The following PEBP4 variants were observed in gnomAD, a reference collection of about 807,000 sequenced individuals.
The protein encoded by PEBP4 is phosphatidylethanolamine binding protein 4.
PEBP4 carries 22 observed loss-of-function variants against 23.9 expected under a neutral mutation model. The ratio of observed to expected loss-of-function variants is 0.92; its 90% CI spans 0.66 to 1.31. The LOEUF is 1.31. Among genes scored for constraint, PEBP4 ranks in the 40% most tolerant of loss-of-function variants. The pLI is 0.00. For synonymous variants in PEBP4, 112 were observed against 99.3 expected (o/e 1.13, Z -0.76); for missense variants, 324 against 281.7 (o/e 1.15, Z -1.07).
At chr8:22,925,350 G>T (rs971821926) in intron 2 of PEBP4, 1 of 984,100 alleles carries the variant, frequency 1.0e-6, no homozygotes, top group African/African-American at 1.7e-5. Flanking sequence ...GGTGAAGGTT[G>T]TCAGAAGCAG....
chr8:22,910,357 G>A (rs373066504), intron 3 of PEBP4, among the ~76,000 whole-genome samples: 5 of 152,256 alleles, frequency 3.3e-5, no homozygotes, highest in South Asian at 2.1e-4. Context: ...ATCACGGCAC[G>A]CATCTCCCTG....
intron 3 of PEBP4, among the ~76,000 whole-genome samples, chr8:22,863,366 A>G (rs1807821212): frequency 6.6e-6 from 1 of 152,200 alleles, no homozygotes. Context: ...TGTTCAAAAA[A>G]TGACACTATA....
At chr8:22,830,738 G>A (rs1219633295) in intron 3 of PEBP4, among the ~76,000 whole-genome samples, 1 of 151,854 alleles carries the variant, frequency 6.6e-6, no homozygotes, top group Non-Finnish European at 1.5e-5. Flanking sequence ...GCCAATTCTT[G>A]TCAATTCAGC....
At chr8:22,764,051 A>C (rs1251918805) in intron 4 of PEBP4, among the ~76,000 whole-genome samples, 1 of 152,172 alleles carries the variant, frequency 6.6e-6, no homozygotes, top group Non-Finnish European at 1.5e-5. Context: ...ACTTAACATG[A>C]TGTCAAGCCT....
At chr8:22,802,200 G>A (rs1053503223) in intron 4 of PEBP4, among the ~76,000 whole-genome samples, 2 of 152,142 alleles carry the variant, frequency 1.3e-5, no homozygotes, top group African/African-American at 4.8e-5. Flanking sequence ...CCGACTCTGG[G>A]CCACTGGCTA....
In PEBP4 at chr8:22,871,727, G is replaced by A. The variant is rs538838267; in HGVS notation, c.258+48457C>T. 1.6e-4 allele frequency among the ~76,000 whole-genome samples: 24 copies of A among 151,696 alleles called. 1 individual carries two copies. In the South Asian group the frequency reaches 4.0e-3, roughly 25 times the overall value. On this transcript the variant is annotated intron_variant, in intron 3 of 6. Transcript: ENST00000256404. ...GTGCCACCATGCCCAGCTAATTTTC[G>A]TATTTTTAGTAGAGATGGTTTTCAC... is the stretch of plus-strand genomic sequence containing the variant.
chr8:22,854,849 C>G (rs1807607320), intron 3 of PEBP4, among the ~76,000 whole-genome samples: 1 of 151,928 alleles, frequency 6.6e-6, no homozygotes, highest in African/African-American at 2.4e-5. Flanking sequence ...TTTATTTGCT[C>G]CCTCCCCCTC....
intron 6 of PEBP4, among the ~76,000 whole-genome samples, chr8:22,718,778 G>T (rs537496855): frequency 8.1e-4 from 124 of 152,270 alleles, no homozygotes; most frequent in African/African-American, 2.8e-3. Context: ...TGTGTGCGCT[G>T]GTGGGGGGCA....
intron 6 of PEBP4, among the ~76,000 whole-genome samples, chr8:22,720,503 G>C (rs1804497090): frequency 6.6e-6 from 1 of 152,222 alleles, no homozygotes; most frequent in Non-Finnish European, 1.5e-5. Context: ...ATGGTACAAG[G>C]TGCAAATGAA....
At chr8:22,938,966 GA>G (rs1283610182) in intron 1 of PEBP4, among the ~76,000 whole-genome samples, 1 of 152,220 alleles carries the variant, frequency 6.6e-6, no homozygotes, top group Non-Finnish European at 1.5e-5. Flanking sequence ...TAGAGACAGA[GA>G]AAGAATTCCA....
chr8:22,906,859 G>A (rs192784360), intron 3 of PEBP4, among the ~76,000 whole-genome samples: 48 of 152,330 alleles, frequency 3.2e-4, no homozygotes, highest in Non-Finnish European at 5.4e-4. Context: ...TGTGGTAGGG[G>A]TGAGAATAGA....
chr8:22,727,284 C>T, intron 4 of PEBP4, 64 bp from the exon 5 acceptor site: 1 of 1,522,658 alleles, frequency 6.6e-7, no homozygotes, highest in Non-Finnish European at 9.0e-7. Flanking sequence ...CACGTGGGCT[C>T]TGCGGGATTG....
At chr8:22,781,534 T>C (rs1264773327) in intron 4 of PEBP4, among the ~76,000 whole-genome samples, 1 of 152,092 alleles carries the variant, frequency 6.6e-6, no homozygotes, top group Admixed American at 6.5e-5. Context: ...AAGTCCCTTT[T>C]CTCCCGTTCC....
At chr8:22,727,336 G>A (rs1804639360) in intron 4 of PEBP4, 116 bp from the exon 5 acceptor site, 1 of 1,005,658 alleles carries the variant, frequency 9.9e-7, no homozygotes, top group Non-Finnish European at 1.5e-6. Context: ...GAAGGAGGAT[G>A]GGAGAAGAAG....
intron 4 of PEBP4, among the ~76,000 whole-genome samples, chr8:22,774,036 C>T (rs1805767568): frequency 6.6e-6 from 1 of 152,182 alleles, no homozygotes; most frequent in Non-Finnish European, 1.5e-5. Context: ...GTCTCTTCAA[C>T]TATAAAACGG....
intron 6 of PEBP4, among the ~76,000 whole-genome samples, chr8:22,718,114 G>C (rs190610843): frequency 1.3e-5 from 2 of 152,132 alleles, no homozygotes; most frequent in South Asian, 2.1e-4. Context: ...TTCGGGTAGT[G>C]GGGGGCACTT....
At chr8:22,924,117 C>T (rs1024732911) in intron 2 of PEBP4, among the ~76,000 whole-genome samples, 2 of 152,116 alleles carry the variant, frequency 1.3e-5, no homozygotes, top group Non-Finnish European at 2.9e-5. Flanking sequence ...AATACCGGCA[C>T]TTTGGGAGGC....
chr8:22,897,419 G>T (rs1435836504), intron 3 of PEBP4, among the ~76,000 whole-genome samples: 7 of 152,166 alleles, frequency 4.6e-5, no homozygotes, highest in South Asian at 4.1e-4. Context: ...GTGGAGTACT[G>T]AGGCACCAAA....
chr8:22,760,678 T>A (rs1805489724), intron 4 of PEBP4, among the ~76,000 whole-genome samples: 3 of 152,126 alleles, frequency 2.0e-5, no homozygotes, highest in African/African-American at 7.2e-5. Context: ...CATGCCATTT[T>A]GGAATCCCCA....
Sources: allele counts gnomAD v4.1 joint callset (sites outside exome capture counted in the v4.1 genomes callset), GRCh38; gene constraint gnomAD v4.1.1; transcripts MANE v1.5; gene names NCBI Gene and HGNC (gene_info 2026-07-23, HGNC 2026-07-21).